The following POU2F3 variants were observed in gnomAD, a reference collection of about 807,000 sequenced individuals.
POU2F3 encodes POU class 2 homeobox 3, also known as POU domain, class 2, transcription factor 3.
Under a neutral mutation model 59.2 loss-of-function variants are expected in POU2F3, and 23 were observed. The ratio of observed to expected loss-of-function variants is 0.39; its 90% CI spans 0.28 to 0.55. The LOEUF (loss-of-function observed/expected upper bound fraction) is 0.55. Ranked by LOEUF, POU2F3 falls within the 20% of genes least tolerant of loss-of-function variation. POU2F3 has a pLI of 0.66. For missense variants in POU2F3, 473 were observed against 544.5 expected (o/e 0.87, Z 1.31); for synonymous variants, 190 against 214.6 (o/e 0.89, Z 1.00).
At chr11:120,288,793 CATGT>C (rs141478161) in intron 3 of POU2F3, among the ~76,000 whole-genome samples, 1,858 of 152,096 alleles carry the variant, frequency 0.012, 46 homozygotes, top group African/African-American at 0.042. Context: ...TACATACGCA[CATGT>C]ATGTATTACA....
chr11:120,281,168 GTGCTGTTTC>G (rs1264524880), intron 3 of POU2F3, among the ~76,000 whole-genome samples: 1 of 152,004 alleles, frequency 6.6e-6, no homozygotes, highest in African/African-American at 2.4e-5. Context: ...TGGGGCTCAG[GTGCTGTTTC>G]TGTGTCCCTG....
chr11:120,305,190 G>T lies in POU2F3; in HGVS notation c.605G>T (p.Arg202Leu). Reference protein sequence around the residue: ...EKFAKTFKQRRIKLGFTQGDV... With the variant: ...EKFAKTFKQRLIKLGFTQGDV... ...TTTGCCAAGACCTTCAAGCAGAGGC[G>T]CATTAAGCTGGGCTTCACACAGGTT... Residue 202 changes from arginine (R) to leucine (L), a missense_variant, in exon 7 of 13, where the codon CGC becomes CTC. Coordinates refer to ENST00000543440, the MANE Select transcript of POU2F3 (RefSeq NM_014352.4). 1 of 1,613,720 alleles carries T rather than the reference G, an allele frequency of 6.2e-7. No individual in the cohort carries two copies. Among genetic ancestry groups the T allele is most frequent in the Non-Finnish European group, 8.5e-7 (1 of 1,179,886 alleles).
intron 6 of POU2F3, chr11:120,303,195 G>T (rs1054409378): frequency 6.6e-6 from 1 of 150,838 alleles, no homozygotes; most frequent in African/African-American, 2.5e-5. Context: ...TACCTGGAGG[G>T]GAAGCTCGCC....
chr11:120,294,334 A>G (rs1461429734), intron 3 of POU2F3, among the ~76,000 whole-genome samples: 1 of 152,198 alleles, frequency 6.6e-6, no homozygotes, highest in Non-Finnish European at 1.5e-5. Context: ...GTGGTGACCC[A>G]CGTCTCCAGG....
intron 1 of POU2F3, among the ~76,000 whole-genome samples, chr11:120,240,679 A>G (rs1938622402): frequency 6.6e-6 from 1 of 152,132 alleles, no homozygotes; most frequent in Admixed American, 6.5e-5. Context: ...TCATAGTCTC[A>G]GGAGGTTGCA....
At chr11:120,247,848 T>A (rs1252179811) in intron 2 of POU2F3, among the ~76,000 whole-genome samples, 1 of 152,222 alleles carries the variant, frequency 6.6e-6, no homozygotes, top group Non-Finnish European at 1.5e-5. Flanking sequence ...GCAGGCTGGC[T>A]GGAGCCAATT....
In POU2F3 at chr11:120,317,362, A is replaced by G; in HGVS notation, c.1269A>G (p.Ser423=). 1 of 1,614,164 alleles carries G rather than the reference A, an allele frequency of 6.2e-7. No homozygotes were observed. Among genetic ancestry groups the G allele is most frequent in the Non-Finnish European group, 8.5e-7 (1 of 1,180,018 alleles). Residue 423 remains serine (S), a splice_region_variant and synonymous_variant, in exon 12 of 13, where the codon TCA becomes TCG. Transcript: ENST00000543440. ...AVNSASSFNS[S]GSWYRWNHST... is the part of the protein sequence containing the mutation. The stretch of plus-strand genomic sequence containing the variant: ...ACTCCGCCTCCAGTTTTAACTCTTC[A>G]GGGTAAGGTGAAGGGGACGGTGCAG...
chr11:120,258,151 G>A (rs908391097), intron 2 of POU2F3, among the ~76,000 whole-genome samples: 15 of 152,292 alleles, frequency 9.8e-5, no homozygotes, highest in African/African-American at 3.1e-4. Context: ...GTGAGAGCCA[G>A]CGCCCAGCTG....
chr11:120,301,831 T>C (rs1941355119), intron 5 of POU2F3: 1 of 156,312 alleles, frequency 6.4e-6, no homozygotes, highest in South Asian at 2.0e-4. Context: ...TGGTCTGGCA[T>C]CCTCGCAGAT....
chr11:120,254,447 G>A (rs957378650), intron 2 of POU2F3, among the ~76,000 whole-genome samples: 1 of 152,232 alleles, frequency 6.6e-6, no homozygotes, highest in African/African-American at 2.4e-5. Context: ...AGGGGCAGAG[G>A]AGATGACAAG....
intron 6 of POU2F3, chr11:120,303,896 A>G (rs1941411606): frequency 6.6e-6 from 1 of 152,214 alleles, no homozygotes; most frequent in African/African-American, 2.4e-5. Flanking sequence ...CTAGCTGGCC[A>G]CAGTGCCTGG....
intron 3 of POU2F3, among the ~76,000 whole-genome samples, chr11:120,274,463 G>A (rs147182979): frequency 1.5e-4 from 23 of 152,310 alleles, no homozygotes; most frequent in African/African-American, 4.6e-4. Flanking sequence ...AGATTTTGGC[G>A]ACAGGTTGGG....
chr11:120,298,184 G>A, intron 3 of POU2F3, 81 bp from the exon 4 acceptor site: 4 of 1,493,120 alleles, frequency 2.7e-6, no homozygotes, highest in Non-Finnish European at 3.6e-6. Context: ...CTCCTTTCCT[G>A]CCTGGATCTT....
At position 120,302,492 on chromosome 11, in the gene POU2F3, G is replaced by C. The variant is rs940645983; in HGVS notation, c.444+124G>C. On this transcript the variant is annotated intron_variant, in intron 6 of 12. Transcript: ENST00000543440. Reference sequence around the variant, plus strand: ...CCCTCTGGGGAGAGGGGATAGCAGGGAACTATCCATTGGCACAGGGGAAAT... The same window carrying C: ...CCCTCTGGGGAGAGGGGATAGCAGGCAACTATCCATTGGCACAGGGGAAAT... 7 of 855,854 alleles carry C rather than the reference G, an allele frequency of 8.2e-6. No homozygotes were observed. The African/African-American group carries it at 8.6e-5, about 11-fold the overall frequency. The allele number at this position is 855,854 out of a possible 1,614,324, so 53.0% of individuals were successfully genotyped here.
At chr11:120,272,597 G>A (rs1940124309) in intron 3 of POU2F3, among the ~76,000 whole-genome samples, 1 of 152,210 alleles carries the variant, frequency 6.6e-6, no homozygotes, top group Non-Finnish European at 1.5e-5. Context: ...CAGGCCAGTT[G>A]GTGCAGCCAG....
chr11:120,251,133 A>G (rs1266805025), intron 2 of POU2F3, among the ~76,000 whole-genome samples: 1 of 152,146 alleles, frequency 6.6e-6, no homozygotes, highest in Non-Finnish European at 1.5e-5. Flanking sequence ...ATGCCCAGCT[A>G]ATTTTTTTAA....
Position 120,293,537 on chromosome 11 carries a change from A to T in POU2F3, c.133-4728A>T, listed in dbSNP as rs11217797. 0.033 allele frequency among the ~76,000 whole-genome samples: 5,099 copies of T among 152,330 alleles called. 1,275 individuals carry two copies. In the East Asian group the frequency reaches 0.66, roughly 20 times the overall value. Reference sequence around the variant, plus strand: ...GAGAAAGAAAAAAAAATCTTGCCTGAAATTGAAGGCAGGTTGGGAGATGTT... The same window carrying T: ...GAGAAAGAAAAAAAAATCTTGCCTGTAATTGAAGGCAGGTTGGGAGATGTT... On this transcript the variant is annotated intron_variant, in intron 3 of 12. Coordinates refer to ENST00000543440, the MANE Select transcript of POU2F3 (RefSeq NM_014352.4).
intron 2 of POU2F3, among the ~76,000 whole-genome samples, chr11:120,266,641 G>C (rs926004795): frequency 1.3e-5 from 2 of 152,206 alleles, no homozygotes; most frequent in Admixed American, 6.5e-5. Context: ...CTTTCCTCAG[G>C]ACTTCGAAAG....
At position 120,305,706 on chromosome 11, in the gene POU2F3, A is replaced by T. The variant is rs760008771; in HGVS notation, c.690A>T (p.Ser230=). The change falls in exon 8 of 13, where the codon TCA becomes TCT. Residue 230 remains serine, a synonymous_variant. Coordinates refer to ENST00000543440, the MANE Select transcript of POU2F3 (RefSeq NM_014352.4). ...ACGACTTCAGCCAGACCACCATCTC[A>T]CGATTTGAGGCCCTCAACCTGAGCT... The part of the protein sequence containing the change: ...YGNDFSQTTI[S]RFEALNLSFK... The T allele has an allele frequency of 6.2e-7, 1 of 1,614,014 alleles. No individual in the cohort carries two copies. The highest frequency in any genetic ancestry group is 1.1e-5 in the South Asian group (1 of 91,060).
Sources: gnomAD v4.1 joint callset for allele counts (sites outside exome capture counted in the v4.1 genomes callset) on GRCh38, gnomAD v4.1.1 for gene constraint, MANE v1.5 for transcripts, NCBI Gene and HGNC (gene_info 2026-07-23, HGNC 2026-07-21) for gene names.